Variants in TEKTIP1 observed in about 807,000 individuals in gnomAD.
TEKTIP1 encodes tektin bundle interacting protein 1, also known as tektin bundle-interacting protein 1.
the TEKTIP1 span, among the ~76,000 whole-genome samples, chr19:3,540,326 T>C: frequency 4.1e-4 from 62 of 151,980 alleles, no homozygotes; most frequent in Non-Finnish European, 7.9e-4. Flanking sequence ...GGTGCAATCT[T>C]GGCTCACTGC....
the TEKTIP1 span, chr19:3,542,665 T>C: frequency 8.7e-7 from 1 of 1,148,248 alleles, no homozygotes; most frequent in Non-Finnish European, 1.1e-6. Context: ...GTATTTTTAG[T>C]AGAGATGGGG....
chr19:3,543,298 G>T, the TEKTIP1 span: 10 of 1,548,916 alleles, frequency 6.5e-6, no homozygotes, highest in South Asian at 1.2e-5. Context: ...CCACACGCTG[G>T]AAGTACACGC....
the TEKTIP1 span, chr19:3,543,113 AG>A: frequency 6.6e-7 from 1 of 1,524,368 alleles, no homozygotes; most frequent in African/African-American, 1.4e-5. Flanking sequence ...CCAAGTGGCG[AG>A]GGAGGGAGAC....
chr19:3,539,655 G>A, the TEKTIP1 span: 756 of 204,684 alleles, frequency 3.7e-3, 8 homozygotes, highest in African/African-American at 0.016. Flanking sequence ...CTTGGCCCCC[G>A]GTCTCTGCTT....
chr19:3,543,542 C>T, the TEKTIP1 span: 46 of 1,520,354 alleles, frequency 3.0e-5, no homozygotes, highest in African/African-American at 8.4e-5. Context: ...CGCCAGCCCC[C>T]GCCCCACCGC....
At chr19:3,541,824 G>A in the TEKTIP1 span, 11 of 982,610 alleles carry the variant, frequency 1.1e-5, no homozygotes, top group Non-Finnish European at 1.3e-5. Context: ...TTTTGTTTGT[G>A]TTGAGACAGA....
the TEKTIP1 span, chr19:3,543,514 G>C: frequency 5.2e-6 from 7 of 1,347,384 alleles, no homozygotes; most frequent in Non-Finnish European, 6.9e-6. Flanking sequence ...GGGCCTGCCA[G>C]AGGGGGACAG....
chr19:3,543,900 C>G, the TEKTIP1 span: 1 of 1,551,018 alleles, frequency 6.4e-7, no homozygotes, highest in Non-Finnish European at 8.7e-7. Flanking sequence ...CCTGTCGGCA[C>G]CCCAGCGCCC....
At chr19:3,542,010 A>G in the TEKTIP1 span, 2 of 486,638 alleles carry the variant, frequency 4.1e-6, no homozygotes, top group African/African-American at 4.2e-5. Context: ...GGGTTTCACC[A>G]TGTTGGTCAG....
chr19:3,543,952 C>G, the TEKTIP1 span: 1 of 1,550,956 alleles, frequency 6.4e-7, no homozygotes, highest in African/African-American at 1.4e-5. Flanking sequence ...GTCCTGGAAC[C>G]ATACTGCCCC....
chr19:3,542,449 T>A, the TEKTIP1 span: 1 of 985,320 alleles, frequency 1.0e-6, no homozygotes, highest in African/African-American at 1.7e-5. Flanking sequence ...AAGAGCAAGG[T>A]CAAAGCATAA....
At chr19:3,542,945 C>T in the TEKTIP1 span, 1 of 1,495,936 alleles carries the variant, frequency 6.7e-7, no homozygotes, top group East Asian at 3.0e-5. Context: ...GGGCCCTTGT[C>T]CTCTCCCCTC....
At chr19:3,543,297 G>C in the TEKTIP1 span, 2 of 1,548,882 alleles carry the variant, frequency 1.3e-6, no homozygotes, top group Non-Finnish European at 1.7e-6. Flanking sequence ...GCCACACGCT[G>C]GAAGTACACG....
the TEKTIP1 span, chr19:3,543,660 C>T: frequency 6.5e-7 from 1 of 1,540,776 alleles, no homozygotes; most frequent in East Asian, 2.4e-5. Context: ...AAAGACAGGC[C>T]AATCCGGGGC....
the TEKTIP1 span, chr19:3,543,862 T>C: frequency 7.7e-6 from 12 of 1,548,424 alleles, no homozygotes; most frequent in Non-Finnish European, 1.0e-5. Flanking sequence ...GTGGAGCCAC[T>C]GTGGAGGGCA....
the TEKTIP1 span, chr19:3,544,006 G>C: frequency 3.1e-5 from 48 of 1,537,594 alleles, no homozygotes; most frequent in Middle Eastern, 1.7e-4. Flanking sequence ...CCCACTCCCC[G>C]ATAAAGGCAT....
the TEKTIP1 span, chr19:3,543,639 G>A: frequency 2.7e-5 from 41 of 1,543,914 alleles, no homozygotes; most frequent in Non-Finnish European, 3.2e-5. Context: ...CGGTGGGGGA[G>A]CGCGCTGTGG....
chr19:3,541,770 C>T, the TEKTIP1 span: 1 of 985,334 alleles, frequency 1.0e-6, no homozygotes, highest in Non-Finnish European at 1.2e-6. Context: ...GGGCCGACAG[C>T]AGGGGTGAGG....
the TEKTIP1 span, chr19:3,543,400 G>A: frequency 4.0e-5 from 62 of 1,548,286 alleles, 1 homozygote; most frequent in African/African-American, 1.5e-4. Flanking sequence ...CACGGGCCCC[G>A]GCCAGCCCCT....
Sources: gnomAD v4.1 joint callset for allele counts (sites outside exome capture counted in the v4.1 genomes callset) on GRCh38, gnomAD v4.1.1 for gene constraint, MANE v1.5 for transcripts, NCBI Gene and HGNC (gene_info 2026-07-23, HGNC 2026-07-21) for gene names.